Variants in FRAS1 observed in about 807,000 individuals in gnomAD.
FRAS1 encodes the protein Fraser extracellular matrix complex subunit 1.
Under a neutral mutation model 435.2 loss-of-function variants are expected in FRAS1, and 290 were observed. That is an observed-to-expected ratio of 0.67 (90% CI 0.61 to 0.73). The LOEUF is 0.73. Among genes scored for constraint, FRAS1 ranks in the 30% least tolerant of loss-of-function variants. The probability of loss-of-function intolerance (pLI) is 0.00; values close to 1 mark genes in which losing one functional copy is unlikely to be tolerated. For synonymous variants in FRAS1, 1,800 were observed against 1,851.0 expected (o/e 0.97, Z 0.71); for missense variants, 4,860 against 5,001.5 (o/e 0.97, Z 0.85).
At position 78,475,525 on chromosome 4, in the gene FRAS1, C is replaced by G; in HGVS notation, c.7770C>G (p.Arg2590=). Residue 2590 remains arginine, a synonymous_variant, in exon 54 of 74, where the codon CGC becomes CGG. Transcript: ENST00000512123. The part of the protein sequence containing the change: ...NLNQYAIVLC[R]TEQGTASSSS... ...ACCAATATGCCATCGTCCTGTGTCGCACCGAGCAAGGCACCGCCAGCTCCA... is the reference window on the plus strand; with the variant it reads ...ACCAATATGCCATCGTCCTGTGTCGGACCGAGCAAGGCACCGCCAGCTCCA... The G allele has an allele frequency of 6.2e-7, 1 of 1,613,858 alleles. No individual in the cohort carries two copies. Among genetic ancestry groups the G allele is most frequent in the Non-Finnish European group, 8.5e-7 (1 of 1,179,806 alleles).
chr4:78,540,836 T>G lies in FRAS1; in HGVS notation c.11751T>G (p.Leu3917=). ...GSALAAIMLL[L]LVFLVACFIN... is the part of the protein sequence containing the mutation. Reference sequence around the variant, plus strand: ...CCCTGGCTGCAATCATGCTTCTACTTCTGGTGTTTTTGGTGGCTTGTTTTA... The same window carrying G: ...CCCTGGCTGCAATCATGCTTCTACTGCTGGTGTTTTTGGTGGCTTGTTTTA... The change falls in exon 74 of 74, where the codon CTT becomes CTG. Residue 3917 remains leucine (L), a synonymous_variant. Coordinates refer to ENST00000512123, the MANE Select transcript of FRAS1 (RefSeq NM_025074.7). The G allele has an allele frequency of 6.2e-7, 1 of 1,613,978 alleles. No homozygotes were observed. Among genetic ancestry groups the G allele is most frequent in the Non-Finnish European group, 8.5e-7 (1 of 1,179,866 alleles).
Position 78,489,006 on chromosome 4 carries a change from G to A in FRAS1, c.8884G>A (p.Ala2962Thr), listed in dbSNP as rs768744785. The A allele has an allele frequency of 5.6e-5, 90 of 1,613,698 alleles. No individual in the cohort carries two copies. The highest frequency in any genetic ancestry group is 4.0e-4 in the East Asian group (18 of 44,852). ...GAGGTGCTATACTCAGAGCCATTCC[G>A]CTCAGGTCATGGAGGACTTTGAGGA... ...SVRCYTQSHS[A>T]QVMEDFEERQ... is the part of the protein sequence containing the mutation. The change falls in exon 59 of 74, where the codon GCT becomes ACT. Residue 2962 changes from alanine (A) to threonine (T), a missense_variant. By Grantham distance (58) the Ala-to-Thr change is moderately conservative. Transcript: ENST00000512123.
intron 6 of FRAS1, among the ~76,000 whole-genome samples, chr4:78,258,189 A>C (rs1281878200): frequency 6.6e-6 from 1 of 152,044 alleles, no homozygotes; most frequent in Non-Finnish European, 1.5e-5. Context: ...AAAAATGCAA[A>C]ACTTAGCCGG....
At chr4:78,164,380 T>C (rs1721257692) in intron 2 of FRAS1, among the ~76,000 whole-genome samples, 1 of 152,054 alleles carries the variant, frequency 6.6e-6, no homozygotes, top group South Asian at 2.1e-4. Context: ...AGGAATATAA[T>C]ATAAGGAATG....
At chr4:78,320,761 C>T (rs550213943) in intron 18 of FRAS1, among the ~76,000 whole-genome samples, 1 of 152,214 alleles carries the variant, frequency 6.6e-6, no homozygotes, top group East Asian at 1.9e-4. Flanking sequence ...TTGAACTGTG[C>T]ACCCTGAGGT....
chr4:78,164,712 T>C (rs915036658), intron 2 of FRAS1, among the ~76,000 whole-genome samples: 1 of 152,172 alleles, frequency 6.6e-6, no homozygotes, highest in Non-Finnish European at 1.5e-5. Context: ...GTTAATATCT[T>C]TTTCCTTTTT....
In FRAS1 at chr4:78,479,673, A is replaced by G; in HGVS notation, c.8398A>G (p.Thr2800Ala). Residue 2800 changes from threonine to alanine, a missense_variant, in exon 56 of 74, where the codon ACT becomes GCT. Coordinates refer to ENST00000512123, the MANE Select transcript of FRAS1 (RefSeq NM_025074.7). ...VLISGPNDAS[T>A]VSLGNTAFTV... Reference sequence around the variant, plus strand: ...CATTAGTGGTCCCAACGATGCCTCGACTGTGTCCCTGGGCAACACGGCTTT... The same window carrying G: ...CATTAGTGGTCCCAACGATGCCTCGGCTGTGTCCCTGGGCAACACGGCTTT... The G allele has an allele frequency of 6.2e-7, 1 of 1,609,324 alleles. No individual in the cohort carries two copies. Among genetic ancestry groups the G allele is most frequent in the Non-Finnish European group, 8.5e-7 (1 of 1,176,772 alleles).
chr4:78,174,544 G>A (rs1224872386), intron 2 of FRAS1, among the ~76,000 whole-genome samples: 1 of 152,208 alleles, frequency 6.6e-6, no homozygotes, highest in Non-Finnish European at 1.5e-5. Context: ...CAGTATGGAA[G>A]GGAGGGAAAA....
intron 2 of FRAS1, among the ~76,000 whole-genome samples, chr4:78,134,835 G>C (rs1208548070): frequency 6.6e-6 from 1 of 152,146 alleles, no homozygotes; most frequent in African/African-American, 2.4e-5. Flanking sequence ...CAAACAAAAA[G>C]TCTGAGGTTT....
At chr4:78,376,717 A>G (rs1284701185) in intron 26 of FRAS1, among the ~76,000 whole-genome samples, 1 of 152,108 alleles carries the variant, frequency 6.6e-6, no homozygotes, top group African/African-American at 2.4e-5. Context: ...TCGGCCGGGC[A>G]TGGTGGCTCA....
At chr4:78,135,720 C>T (rs143102061) in intron 2 of FRAS1, among the ~76,000 whole-genome samples, 370 of 152,264 alleles carry the variant, frequency 2.4e-3, no homozygotes, top group Middle Eastern at 0.01. Flanking sequence ...ATCTCAAGTA[C>T]AGCACTACTG....
chr4:78,100,296 G>T (rs1374876317), intron 2 of FRAS1, among the ~76,000 whole-genome samples: 1 of 152,146 alleles, frequency 6.6e-6, no homozygotes, highest in Admixed American at 6.5e-5. Flanking sequence ...ATTCTTCAGG[G>T]CACAGTTTAA....
chr4:78,105,427 G>A (rs529754123), intron 2 of FRAS1, among the ~76,000 whole-genome samples: 6 of 152,088 alleles, frequency 3.9e-5, no homozygotes, highest in Admixed American at 2.0e-4. Flanking sequence ...TATAACTAAC[G>A]GCACAATGAA....
Position 78,422,941 on chromosome 4 carries a change from T to C in FRAS1, c.4678+941T>C, listed in dbSNP as rs1304951495. 2.0e-5 allele frequency among the ~76,000 whole-genome samples: 3 copies of C among 152,104 alleles called. No homozygotes were observed. The East Asian group carries it at 5.8e-4, about 29-fold the overall frequency. ...CCAGAATTTGGCAGAAGACACCTTT[T>C]TAATGGAAGGAAAGTCTGAGTGGAA... is the stretch of plus-strand genomic sequence containing the variant. On this transcript the variant is annotated intron_variant, in intron 34 of 73. Coordinates refer to ENST00000512123, the MANE Select transcript of FRAS1 (RefSeq NM_025074.7).
chr4:78,237,152 TC>T (rs1724795483), intron 2 of FRAS1, among the ~76,000 whole-genome samples: 1 of 152,082 alleles, frequency 6.6e-6, no homozygotes, highest in Admixed American at 6.6e-5. Context: ...AGTGTCATTT[TC>T]CTTTAAACGT....
intron 2 of FRAS1, among the ~76,000 whole-genome samples, chr4:78,091,622 T>TG: frequency 1.9e-5 from 1 of 51,400 alleles, no homozygotes; most frequent in South Asian, 1.2e-3. Flanking sequence ...CACACGTGTG[T>TG]TTGTGTGTGT....
chr4:78,206,751 A>T (rs1299556387), intron 2 of FRAS1, among the ~76,000 whole-genome samples: 2 of 152,144 alleles, frequency 1.3e-5, no homozygotes, highest in East Asian at 3.9e-4. Flanking sequence ...GGCCTGGGGA[A>T]ATTTTAGTTG....
chr4:78,398,738 A>G (rs1369474553), intron 29 of FRAS1, among the ~76,000 whole-genome samples: 1 of 152,184 alleles, frequency 6.6e-6, no homozygotes, highest in Non-Finnish European at 1.5e-5. Context: ...TAATCGCAAC[A>G]CTTTGGGAGG....
At chr4:78,400,567 G>T (rs1732843630) in intron 29 of FRAS1, among the ~76,000 whole-genome samples, 167 bp from the exon 30 acceptor site, 1 of 152,094 alleles carries the variant, frequency 6.6e-6, no homozygotes, top group African/African-American at 2.4e-5. Context: ...AGATAAATAT[G>T]CATGTCTACA....
Sources: allele counts gnomAD v4.1 joint callset (sites outside exome capture counted in the v4.1 genomes callset), GRCh38; gene constraint gnomAD v4.1.1; transcripts MANE v1.5; gene names NCBI Gene and HGNC (gene_info 2026-07-23, HGNC 2026-07-21).